Variants in ZNRF2 observed in about 807,000 individuals in gnomAD.
The protein encoded by ZNRF2 is zinc and ring finger 2.
ZNRF2 carries 16 observed loss-of-function variants against 20.4 expected under a neutral mutation model. The ratio of observed to expected loss-of-function variants is 0.79; its 90% CI spans 0.53 to 1.19. The LOEUF (loss-of-function observed/expected upper bound fraction) is 1.19. Ranked by LOEUF, ZNRF2 falls within the 50% of genes most tolerant of loss-of-function variation. ZNRF2 has a pLI of 0.00. For synonymous variants in ZNRF2, 178 were observed against 144.9 expected (o/e 1.23, Z -1.64); for missense variants, 363 against 332.4 (o/e 1.09, Z -0.72).
intron 2 of ZNRF2, among the ~76,000 whole-genome samples, chr7:30,346,394 A>G (rs576989235): frequency 2.0e-5 from 3 of 151,564 alleles, no homozygotes; most frequent in Non-Finnish European, 4.4e-5. Context: ...GCATTTCACC[A>G]TGTTGGCCAG....
At chr7:30,315,087 AT>A (rs1478632385) in intron 1 of ZNRF2, among the ~76,000 whole-genome samples, 1 of 152,104 alleles carries the variant, frequency 6.6e-6, no homozygotes, top group Non-Finnish European at 1.5e-5. Context: ...AAGTGCTGGG[AT>A]TACAGGTGTG....
At chr7:30,315,152 G>T (rs1036384822) in intron 1 of ZNRF2, among the ~76,000 whole-genome samples, 1 of 151,956 alleles carries the variant, frequency 6.6e-6, no homozygotes, top group African/African-American at 2.4e-5. Flanking sequence ...CCAAGACTTG[G>T]TCCCAGTATG....
At position 30,303,479 on chromosome 7, in the gene ZNRF2, G is replaced by T. The variant is rs76396833; in HGVS notation, c.469+17653G>T. 7.1e-3 allele frequency among the ~76,000 whole-genome samples: 1,084 copies of T among 152,252 alleles called. 11 individuals carry two copies. The highest frequency in any genetic ancestry group is 0.01 in the Non-Finnish European group (691 of 68,008). ...TGAGTAGTTTTGGGGTGAAGAATGA[G>T]AATTTGCATTTCTAACAAGTTTCCA... On this transcript the variant is annotated intron_variant, in intron 1 of 4. Coordinates refer to ENST00000323037, the MANE Select transcript of ZNRF2 (RefSeq NM_147128.4).
At chr7:30,295,752 A>G (rs1799009835) in intron 1 of ZNRF2, among the ~76,000 whole-genome samples, 1 of 152,206 alleles carries the variant, frequency 6.6e-6, no homozygotes, top group Non-Finnish European at 1.5e-5. Flanking sequence ...GTGAGGGTTA[A>G]AGTAGTCCAC....
intron 1 of ZNRF2, 139 bp downstream of exon 1, chr7:30,285,965 G>T: frequency 7.6e-7 from 1 of 1,319,334 alleles, no homozygotes; most frequent in East Asian, 3.1e-5. Context: ...GCCCGCGTCG[G>T]TCTCCATCCT....
intron 3 of ZNRF2, 60 bp downstream of exon 3, chr7:30,355,893 A>G (rs1478817757): frequency 7.6e-6 from 10 of 1,308,926 alleles, no homozygotes; most frequent in Middle Eastern, 1.8e-4. Flanking sequence ...AGACATTGTA[A>G]TTAGGGCTGA....
chr7:30,288,699 ATTATAT>A (rs938889716), intron 1 of ZNRF2: 8 of 152,220 alleles, frequency 5.3e-5, no homozygotes, highest in African/African-American at 1.4e-4. Flanking sequence ...TCAGAATGTG[ATTATAT>A]TTATATAGGA....
intron 1 of ZNRF2, among the ~76,000 whole-genome samples, chr7:30,319,725 A>G (rs1799437606): frequency 6.6e-6 from 1 of 152,190 alleles, no homozygotes; most frequent in South Asian, 2.1e-4. Context: ...TGACCATCTA[A>G]AAGTTCTTTG....
chr7:30,310,398 G>A (rs1369834431), intron 1 of ZNRF2, among the ~76,000 whole-genome samples: 1 of 152,136 alleles, frequency 6.6e-6, no homozygotes, highest in African/African-American at 2.4e-5. Context: ...TAATCCAGGG[G>A]TTGGCAAATG....
intron 1 of ZNRF2, among the ~76,000 whole-genome samples, chr7:30,298,057 G>A (rs1799046681): frequency 6.6e-6 from 1 of 151,670 alleles, no homozygotes; most frequent in Non-Finnish European, 1.5e-5. Flanking sequence ...TAACTCTTTT[G>A]TCAATTTTTA....
At chr7:30,361,225 TGGTAGAGAG>T (rs1449770267) in intron 3 of ZNRF2, among the ~76,000 whole-genome samples, 1 of 152,224 alleles carries the variant, frequency 6.6e-6, no homozygotes, top group Non-Finnish European at 1.5e-5. Flanking sequence ...CAGGGCCAAG[TGGTAGAGAG>T]CAGGCTGAAA....
intron 1 of ZNRF2, among the ~76,000 whole-genome samples, chr7:30,294,444 G>A (rs1328056066): frequency 6.6e-6 from 1 of 152,082 alleles, no homozygotes; most frequent in Non-Finnish European, 1.5e-5. Context: ...TTATTGTGGT[G>A]GTCCTTACTA....
intron 2 of ZNRF2, among the ~76,000 whole-genome samples, chr7:30,343,656 C>T (rs1026248857): frequency 1.3e-5 from 2 of 150,834 alleles, no homozygotes; most frequent in African/African-American, 4.9e-5. Flanking sequence ...GTAATTCATT[C>T]TTTCTTTTAG....
chr7:30,293,499 T>G (rs1798950599), intron 1 of ZNRF2, among the ~76,000 whole-genome samples: 1 of 152,290 alleles, frequency 6.6e-6, no homozygotes, highest in African/African-American at 2.4e-5. Flanking sequence ...TTCGCCCACC[T>G]CAGCCTCCCA....
chr7:30,336,841 T>C (rs1410254689), intron 2 of ZNRF2, among the ~76,000 whole-genome samples: 1 of 152,210 alleles, frequency 6.6e-6, no homozygotes, highest in African/African-American at 2.4e-5. Context: ...ATATATATTT[T>C]CTTCTGTAGA....
intron 3 of ZNRF2, among the ~76,000 whole-genome samples, chr7:30,360,260 A>G (rs867850485): frequency 6.6e-6 from 1 of 152,182 alleles, no homozygotes; most frequent in Non-Finnish European, 1.5e-5. Flanking sequence ...AAACAGTGTG[A>G]TTAGTGAGGA....
At chr7:30,359,039 G>C (rs1800083339) in intron 3 of ZNRF2, among the ~76,000 whole-genome samples, 1 of 152,148 alleles carries the variant, frequency 6.6e-6, no homozygotes, top group South Asian at 2.1e-4. Context: ...AGGAGAGAAA[G>C]AATGAACTAT....
At chr7:30,319,987 A>G (rs974420837) in intron 1 of ZNRF2, among the ~76,000 whole-genome samples, 1 of 152,134 alleles carries the variant, frequency 6.6e-6, no homozygotes, top group Non-Finnish European at 1.5e-5. Context: ...TTGTTTACAC[A>G]TATTTTTATT....
intron 1 of ZNRF2, among the ~76,000 whole-genome samples, chr7:30,321,169 G>GT (rs1381555813): frequency 6.6e-6 from 1 of 152,140 alleles, no homozygotes. Context: ...TCATGCTCTA[G>GT]TGGGGGTATG....
Sources: gnomAD v4.1 joint callset for allele counts (sites outside exome capture counted in the v4.1 genomes callset) on GRCh38, gnomAD v4.1.1 for gene constraint, MANE v1.5 for transcripts, NCBI Gene and HGNC (gene_info 2026-07-23, HGNC 2026-07-21) for gene names.